FGF14: variants seen among roughly 807,000 people sequenced by gnomAD.
FGF14 encodes fibroblast growth factor 14, also known as fibroblast growth factor homologous factor 4.
A neutral mutation model predicts 25.5 loss-of-function variants in FGF14; 5 were observed. The ratio of observed to expected loss-of-function variants is 0.20; its 90% CI spans 0.10 to 0.41. The LOEUF (loss-of-function observed/expected upper bound fraction) is 0.41, where lower values mean the gene tolerates loss of function less well. Among genes scored for constraint, FGF14 ranks in the 10% least tolerant of loss-of-function variants. The pLI is 1.00. For synonymous variants in FGF14, 138 were observed against 118.3 expected, an observed-to-expected ratio of 1.17 and a Z score of -1.08; for missense variants, 222 against 320.1, an observed-to-expected ratio of 0.69 and a Z score of 2.34.
At chr13:101,830,536 C>T (rs1364464432) in intron 3 of FGF14, among the ~76,000 whole-genome samples, 4 of 152,048 alleles carry the variant, frequency 2.6e-5, no homozygotes, top group African/African-American at 9.7e-5. Context: ...GAGAACATTA[C>T]CTCAAGAGGC....
At position 101,720,331 on chromosome 13, in the gene FGF14, T is replaced by C. The variant is rs1465048420; in HGVS notation, c.*2500A>G. On this transcript the variant is annotated 3_prime_UTR_variant, in exon 5 of 5. Coordinates refer to ENST00000376143, the MANE Select transcript of FGF14 (RefSeq NM_004115.4). ...TCTAAACATATATTAGAAGAAAGTA[T>C]TTGACATCCTTCATAGGGATAAATG... 1.3e-5 allele frequency: 2 copies of C among 152,088 alleles called. No homozygotes were observed. The highest frequency in any genetic ancestry group is 2.9e-5 in the Non-Finnish European group (2 of 67,998). 9.4% of individuals were successfully genotyped at this position (152,088 alleles called of 1,614,324 possible).
chr13:102,051,332 TG>T (rs2042207731), intron 1 of FGF14, among the ~76,000 whole-genome samples: 1 of 151,864 alleles, frequency 6.6e-6, no homozygotes, highest in Non-Finnish European at 1.5e-5. Flanking sequence ...AGCATGGTAG[TG>T]GGGAGTGCCT....
chr13:102,130,636 G>A (rs181534263), intron 1 of FGF14, among the ~76,000 whole-genome samples: 158 of 152,094 alleles, frequency 1.0e-3, no homozygotes, highest in Non-Finnish European at 1.4e-3. Flanking sequence ...TGGCAATGAC[G>A]GTTCTACCTA....
intron 1 of FGF14, among the ~76,000 whole-genome samples, chr13:102,060,112 G>T (rs552096412): frequency 2.0e-5 from 3 of 151,772 alleles, no homozygotes; most frequent in Admixed American, 2.0e-4. Context: ...TTGGATTTGT[G>T]GATCACAGAT....
At chr13:101,788,065 G>T (rs533781371) in intron 3 of FGF14, among the ~76,000 whole-genome samples, 1 of 152,206 alleles carries the variant, frequency 6.6e-6, no homozygotes, top group African/African-American at 2.4e-5. Flanking sequence ...TAGAGACAGG[G>T]TTTTGCCATG....
intron 1 of FGF14, among the ~76,000 whole-genome samples, chr13:102,237,531 CAGA>C (rs747356816): frequency 1.4e-5 from 2 of 145,582 alleles, no homozygotes; most frequent in African/African-American, 5.1e-5. Flanking sequence ...CCTGTTTCAG[CAGA>C]AGGAGTATTT....
At chr13:101,969,192 G>C (rs1489506626) in intron 1 of FGF14, among the ~76,000 whole-genome samples, 1 of 152,298 alleles carries the variant, frequency 6.6e-6, no homozygotes. Flanking sequence ...GCTCATAGTT[G>C]TCACTTATCA....
At chr13:102,000,834 GA>G (rs1045805696) in intron 1 of FGF14, among the ~76,000 whole-genome samples, 1 of 152,180 alleles carries the variant, frequency 6.6e-6, no homozygotes, top group Admixed American at 6.5e-5. Context: ...GGCTGTGATA[GA>G]AAATGCCAAT....
intron 1 of FGF14, among the ~76,000 whole-genome samples, chr13:102,368,516 C>A (rs1197977544): frequency 6.6e-6 from 1 of 152,154 alleles, no homozygotes; most frequent in Non-Finnish European, 1.5e-5. Flanking sequence ...CCTCATCGGA[C>A]CTTCTCCTCC....
At chr13:101,773,410 A>T (rs557925658) in intron 3 of FGF14, among the ~76,000 whole-genome samples, 1 of 149,564 alleles carries the variant, frequency 6.7e-6, no homozygotes, top group Non-Finnish European at 1.5e-5. Flanking sequence ...ACTTGTGGGC[A>T]TTTTTTTTTT....
intron 3 of FGF14, among the ~76,000 whole-genome samples, chr13:101,733,713 A>G (rs1467456438): frequency 6.6e-6 from 1 of 151,902 alleles, no homozygotes; most frequent in Admixed American, 6.6e-5. Flanking sequence ...ACTTATATTT[A>G]TAGGGCCAAA....
intron 1 of FGF14, among the ~76,000 whole-genome samples, chr13:102,312,016 C>G (rs1254394670): frequency 2.0e-5 from 3 of 152,076 alleles, no homozygotes; most frequent in Non-Finnish European, 4.4e-5. Flanking sequence ...ATTTGGGAAC[C>G]AAGTGACCTG....
At chr13:102,036,674 A>AAGAAGG (rs1566602732) in intron 1 of FGF14, among the ~76,000 whole-genome samples, 1 of 151,978 alleles carries the variant, frequency 6.6e-6, no homozygotes, top group Non-Finnish European at 1.5e-5. Context: ...GGAGGAGGAG[A>AAGAAGG]AGAAGGAGAA....
At chr13:102,267,598 G>C (rs1457108377) in intron 1 of FGF14, among the ~76,000 whole-genome samples, 1 of 152,054 alleles carries the variant, frequency 6.6e-6, no homozygotes, top group Non-Finnish European at 1.5e-5. Flanking sequence ...TATGTGTAGA[G>C]AGAGAGAAAG....
At chr13:102,264,796 C>T (rs1023711724) in intron 1 of FGF14, among the ~76,000 whole-genome samples, 1 of 152,106 alleles carries the variant, frequency 6.6e-6, no homozygotes, top group Non-Finnish European at 1.5e-5. Context: ...AGCTGGTACA[C>T]AGTGACTGTC....
At chr13:102,198,669 T>C (rs1219097042) in intron 1 of FGF14, among the ~76,000 whole-genome samples, 1 of 152,194 alleles carries the variant, frequency 6.6e-6, no homozygotes, top group Non-Finnish European at 1.5e-5. Flanking sequence ...CTGTATCCTT[T>C]TGGACTTTGT....
chr13:102,100,254 A>C (rs1037615123), intron 1 of FGF14, among the ~76,000 whole-genome samples: 1 of 152,162 alleles, frequency 6.6e-6, no homozygotes, highest in African/African-American at 2.4e-5. Flanking sequence ...TATGCAAACC[A>C]AAAAAGCTGC....
Position 101,715,519 on chromosome 13 carries a change from A to G in FGF14, c.*7312T>C. The G allele has an allele frequency of 1.5e-6, 2 of 1,350,556 alleles. No homozygotes were observed. Among genetic ancestry groups the G allele is most frequent in the Non-Finnish European group, 2.1e-6 (2 of 940,274 alleles). The allele number at this position is 1,350,556 out of a possible 1,614,324, so 83.7% of individuals were successfully genotyped here. On this transcript the variant is annotated 3_prime_UTR_variant, in exon 5 of 5. Transcript: ENST00000376143. ...TTATAATAGCATGTTTAAATTTGGC[A>G]CATTTTGATCATAATCATGATACCT...
intron 1 of FGF14, among the ~76,000 whole-genome samples, chr13:102,342,727 G>C (rs998105766): frequency 5.9e-5 from 9 of 152,066 alleles, no homozygotes; most frequent in African/African-American, 2.2e-4. Flanking sequence ...AAATGTTGAT[G>C]TCATTTTCCT....
Sources: gnomAD v4.1 joint callset for allele counts (sites outside exome capture counted in the v4.1 genomes callset) on GRCh38, gnomAD v4.1.1 for gene constraint, MANE v1.5 for transcripts, NCBI Gene and HGNC (gene_info 2026-07-23, HGNC 2026-07-21) for gene names.